Variants in KIF18B observed in about 807,000 individuals in gnomAD.
The protein encoded by KIF18B is kinesin family member 18B.
Under a neutral mutation model 80.9 loss-of-function variants are expected in KIF18B, and 49 were observed. That is an observed-to-expected ratio of 0.61 (90% CI 0.48 to 0.77). The LOEUF is 0.77. KIF18B is among the 30% of genes least tolerant of loss of function. The pLI is 0.00. For synonymous variants in KIF18B, 439 were observed against 463.9 expected, an observed-to-expected ratio of 0.95 and a Z score of 0.69; for missense variants, 994 against 1,127.7, an observed-to-expected ratio of 0.88 and a Z score of 1.70.
chr17:44,932,198 C>A lies in KIF18B; in HGVS notation c.1247G>T (p.Cys416Phe). Residue 416 changes from cysteine (C) to phenylalanine (F), a missense_variant, in exon 10 of 16, where the codon TGC becomes TTC. By Grantham distance (205) the Cys-to-Phe change is radical. Coordinates refer to ENST00000593135, the MANE Select transcript of KIF18B (RefSeq NM_001265577.2). ...KSGPPPEHQP[C>F]TPELPAGPRA... ...AGGCCCTGCAGGGAGCTCTGGGGTG[C>A]AGGGCTGGCTGGGAGGGTGGGGTGG... is the stretch of plus-strand genomic sequence containing the variant. The A allele has an allele frequency of 6.3e-7, 1 of 1,597,580 alleles. No homozygotes were observed. The highest frequency in any genetic ancestry group is 1.7e-5 in the Admixed American group (1 of 57,980).
Position 44,934,023 on chromosome 17 carries a change from C to T in KIF18B, c.962G>A (p.Arg321His), listed in dbSNP as rs746282391. The T allele has an allele frequency of 3.2e-5, 52 of 1,611,280 alleles. 1 individual carries two copies. Among genetic ancestry groups the T allele is most frequent in the East Asian group, 6.7e-5 (3 of 44,812 alleles). Residue 321 changes from arginine to histidine, a missense_variant, in exon 7 of 16, where the codon CGC (arginine) becomes CAC (histidine). Transcript: ENST00000593135. The surrounding 1 kb of genome is among the most constrained non-coding windows in gnomAD (Gnocchi z 5.4). ...GCTGATGGCAGCGATCATCACTGTG[C>T]GGCAGTTGCCCCCGAGGGAGTCTTT... ...LLKDSLGGNC[R>H]TVMIAAISPS...
intron 1 of KIF18B, among the ~76,000 whole-genome samples, chr17:44,937,329 T>G (rs2052330636): frequency 6.6e-6 from 1 of 152,216 alleles, no homozygotes; most frequent in Non-Finnish European, 1.5e-5. Flanking sequence ...ATTTTTTTAC[T>G]TTACATAAGC....
In KIF18B at chr17:44,932,047, A is replaced by C. The variant is rs771290031; in HGVS notation, c.1389+9T>G. 32 of 1,604,056 alleles carry C rather than the reference A, an allele frequency of 2.0e-5. No homozygotes were observed. The highest frequency in any genetic ancestry group is 2.7e-5 in the Non-Finnish European group (32 of 1,173,660). On this transcript the variant is annotated intron_variant, in intron 10 of 15. Coordinates refer to ENST00000593135, the MANE Select transcript of KIF18B (RefSeq NM_001265577.2). The stretch of plus-strand genomic sequence containing the variant: ...CCCGATACCCAGGCCTCACACCCCC[A>C]AGTCCTACCTCCTCAGCTGGGCCTT...
At position 44,934,152 on chromosome 17, in the gene KIF18B, G is replaced by C; in HGVS notation, c.886-53C>G. The stretch of plus-strand genomic sequence containing the variant: ...GAGGCGACTGATGGCACTGACCCAG[G>C]ATGGGGCCCTGTGGCCTTTGGCCCT... On this transcript the variant is annotated intron_variant, in intron 6 of 15. Transcript: ENST00000593135. This position sits in a 1 kb window ranked among gnomAD's most constrained non-coding sequence, Gnocchi z 5.4. 1 of 1,602,244 alleles carries C rather than the reference G, an allele frequency of 6.2e-7. No individual in the cohort carries two copies. Among genetic ancestry groups the C allele is most frequent in the Non-Finnish European group, 8.5e-7 (1 of 1,173,886 alleles).
In KIF18B at chr17:44,925,870, G is replaced by T. The variant is rs2052013978; in HGVS notation, c.*210C>A. 3.1e-5 allele frequency: 19 copies of T among 607,954 alleles called. No individual in the cohort carries two copies. In the Admixed American group the frequency reaches 5.4e-4, roughly 17 times the overall value. 37.7% of individuals were successfully genotyped at this position (607,954 alleles called of 1,614,324 possible). A position where few individuals can be genotyped will look rare whatever the true frequency, so the allele number is the denominator to read the frequency against. On this transcript the variant is annotated 3_prime_UTR_variant, in exon 16 of 16. Coordinates refer to ENST00000593135, the MANE Select transcript of KIF18B (RefSeq NM_001265577.2). ...CAAATGAATATGTACATGCCAAGAA[G>T]CTGAGTGTAACAGGAGATTAACAGA...
chr17:44,942,350 A>G, intron 1 of KIF18B, among the ~76,000 whole-genome samples: 1 of 152,222 alleles, frequency 6.6e-6, no homozygotes, highest in East Asian at 1.9e-4. Flanking sequence ...CTGGGAAGCC[A>G]AGATTCTGTT....
rs1289585031 is a variant in KIF18B, at chr17:44,928,228, C to A, written c.2074G>T (p.Ala692Ser). 2 of 1,613,218 alleles carry A rather than the reference C, an allele frequency of 1.2e-6. No homozygotes were observed. The highest frequency in any genetic ancestry group is 2.2e-5 in the East Asian group (1 of 44,874). ...SPCHSPRVCPATVIKSRVPLG... is the reference protein window; with the variant it reads ...SPCHSPRVCPSTVIKSRVPLG... The stretch of plus-strand genomic sequence containing the variant: ...GGCACCCGGCTTTTGATGACTGTGG[C>A]TGGGCAAACGCGAGGGGAATGGCAG... Residue 692 changes from alanine to serine, a missense_variant, in exon 13 of 16, where the codon GCC becomes TCC. Transcript: ENST00000593135.
Position 44,927,725 on chromosome 17 carries a change from T to A in KIF18B, c.2276+301A>T, listed in dbSNP as rs1204754351. Among the ~76,000 whole-genome samples, 1 of 152,212 alleles carries A rather than the reference T, an allele frequency of 6.6e-6. No homozygotes were observed. Among genetic ancestry groups the A allele is most frequent in the Non-Finnish European group, 1.5e-5 (1 of 68,028 alleles). On this transcript the variant is annotated intron_variant, in intron 13 of 15. Transcript: ENST00000593135. This position sits in a 1 kb window ranked among gnomAD's most constrained non-coding sequence, Gnocchi z 4.1. ...AGAAGTGTTGGGTTCCCCTAGTACA[T>A]TCTTGTTCCCTGCTGACTCTTTCCA... is the stretch of plus-strand genomic sequence containing the variant.
At chr17:44,942,687 A>C (rs1195283049) in intron 1 of KIF18B, among the ~76,000 whole-genome samples, 1 of 152,252 alleles carries the variant, frequency 6.6e-6, no homozygotes, top group Non-Finnish European at 1.5e-5. Context: ...CCCAGCATGC[A>C]GCAGATGCTG....
At position 44,925,519 on chromosome 17, in the gene KIF18B, G is replaced by A. The variant is rs1052747158; in HGVS notation, c.*561C>T. ...ACACGGGCCAGGCGTGGTAGCTCAT[G>A]CCTGTAATCTCAGCACTTTGGGAAG... On this transcript the variant is annotated 3_prime_UTR_variant, in exon 16 of 16. Transcript: ENST00000593135. 1.2e-5 allele frequency: 2 copies of A among 160,136 alleles called. No individual in the cohort carries two copies. The highest frequency in any genetic ancestry group is 4.9e-5 in the African/African-American group (2 of 41,204). The allele number at this position is 160,136 out of a possible 1,614,324, so 9.9% of individuals were successfully genotyped here. A position where few individuals can be genotyped will look rare whatever the true frequency, so the allele number is the denominator to read the frequency against.
At chr17:44,933,180 G>A (rs141544887) in intron 7 of KIF18B, among the ~76,000 whole-genome samples, 194 bp from the exon 8 acceptor site, 30 of 152,248 alleles carry the variant, frequency 2.0e-4, no homozygotes, top group East Asian at 1.9e-3. Context: ...CTGACTCCAC[G>A]ACTAAGACCT....
At chr17:44,930,042 C>G (rs1440833606) in intron 11 of KIF18B, among the ~76,000 whole-genome samples, 2 of 152,148 alleles carry the variant, frequency 1.3e-5, no homozygotes, top group Non-Finnish European at 2.9e-5. Context: ...CTCTGAAGCC[C>G]CCTCCACTGC....
rs531963798 is a variant in KIF18B at position 44,936,100 on chromosome 17, T to A, written c.245A>T (p.Gln82Leu). The A allele has an allele frequency of 1.2e-6, 2 of 1,613,854 alleles. No homozygotes were observed. Among genetic ancestry groups the A allele is most frequent in the East Asian group, 4.5e-5 (2 of 44,884 alleles). ...CGTGGTGTGCTGGAACACGTCCTGT[T>A]GGGTGGCCGCCTCGCCAAAGACCCG... ...FDRVFGEAAT[Q>L]QDVFQHTTHS... is the part of the protein sequence containing the mutation. The change falls in exon 2 of 16, where the codon CAA (glutamine) becomes CTA (leucine). Residue 82 changes from glutamine to leucine, a missense_variant. Gln to Leu is a moderately radical substitution (Grantham distance 113, BLOSUM62 -2). Transcript: ENST00000593135.
Position 44,926,140 on chromosome 17 carries a change from C to T in KIF18B, c.2499G>A (p.Lys833=). The part of the protein sequence containing the change: ...PLCPSNRRNG[K]DLIRVGRALS... ...GTGCTCTCCCCACCCTGATGAGGTCCTTTCCATTCCTCCGGTTGCTAGGGC... is the reference window on the plus strand; with the variant it reads ...GTGCTCTCCCCACCCTGATGAGGTCTTTTCCATTCCTCCGGTTGCTAGGGC... Residue 833 remains lysine, a synonymous_variant, in exon 16 of 16, where the codon AAG becomes AAA. Coordinates refer to ENST00000593135, the MANE Select transcript of KIF18B (RefSeq NM_001265577.2). 6.2e-7 allele frequency: 1 copy of T among 1,613,970 alleles called. No individual in the cohort carries two copies.
At chr17:44,936,499 T>C (rs2052296141) in intron 1 of KIF18B, 141 bp from the exon 2 acceptor site, 1 of 616,694 alleles carries the variant, frequency 1.6e-6, no homozygotes, top group Non-Finnish European at 2.7e-6. Context: ...ATATTGGTGC[T>C]GAAACCAATT....
chr17:44,928,156 G>A lies in KIF18B; in HGVS notation c.2146C>T (p.Pro716Ser). The A allele has an allele frequency of 1.2e-6, 2 of 1,609,130 alleles. No homozygotes were observed. The highest frequency in any genetic ancestry group is 1.7e-6 in the Non-Finnish European group (2 of 1,177,522). Residue 716 changes from proline (P) to serine (S), a missense_variant, in exon 13 of 16, where the codon CCC becomes TCC. Pro to Ser is a moderately conservative substitution (Grantham distance 74, BLOSUM62 -1). Coordinates refer to ENST00000593135, the MANE Select transcript of KIF18B (RefSeq NM_001265577.2). ...MQNCSTPLALPTRDLNATFDL... is the reference protein window; with the variant it reads ...MQNCSTPLALSTRDLNATFDL... ...AAGGTGGCATTGAGGTCTCGAGTGGGCAGAGCCAGCGGGGTGGAGCAGTTC... is the reference window on the plus strand; with the variant it reads ...AAGGTGGCATTGAGGTCTCGAGTGGACAGAGCCAGCGGGGTGGAGCAGTTC...
intron 3 of KIF18B, 146 bp from the exon 4 acceptor site, chr17:44,935,081 AG>A: frequency 2.3e-6 from 2 of 879,216 alleles, no homozygotes; most frequent in Non-Finnish European, 3.4e-6. Flanking sequence ...ACATGACCAC[AG>A]CAGGGTGAAC....
chr17:44,932,539 G>A (rs2052179338), intron 9 of KIF18B, 134 bp downstream of exon 9: 3 of 658,858 alleles, frequency 4.6e-6, no homozygotes, highest in Non-Finnish European at 8.1e-6. Context: ...GGCAGGCACT[G>A]GGTGCAAACC....
At position 44,931,612 on chromosome 17, in the gene KIF18B, G is replaced by C; in HGVS notation, c.1507C>G (p.Arg503Gly). 1 of 1,613,958 alleles carries C rather than the reference G, an allele frequency of 6.2e-7. No individual in the cohort carries two copies. Among genetic ancestry groups the C allele is most frequent in the Non-Finnish European group, 8.5e-7 (1 of 1,179,864 alleles). ...CAAGAAGATACCTACTGCTTAGAAC[G>C]GTCCCCATCCAGTTCCCGTGCTGAG... ...HFSARELDGD[R>G]SKQLALKVLC... Residue 503 changes from arginine to glycine, a missense_variant, in exon 11 of 16, where the codon CGT (arginine) becomes GGT (glycine). By Grantham distance (125) the Arg-to-Gly change is moderately radical (BLOSUM62 -2). Coordinates refer to ENST00000593135, the MANE Select transcript of KIF18B (RefSeq NM_001265577.2).
Sources: allele counts gnomAD v4.1 joint callset (sites outside exome capture counted in the v4.1 genomes callset), GRCh38; gene constraint gnomAD v4.1.1; non-coding constraint Gnocchi (gnomAD v3.1); transcripts MANE v1.5; gene names NCBI Gene and HGNC (gene_info 2026-07-23, HGNC 2026-07-21).